The following MUC6 variants were observed in gnomAD, a reference collection of about 807,000 sequenced individuals.
The protein encoded by MUC6 is mucin 6, oligomeric mucus/gel-forming (gene/pseudogene).
MUC6 carries 188 observed loss-of-function variants against 201.5 expected under a neutral mutation model. That is an observed-to-expected ratio of 0.93 (90% CI 0.83 to 1.05). The LOEUF (loss-of-function observed/expected upper bound fraction) is 1.05, where lower values mean the gene tolerates loss of function less well. Ranked by LOEUF, MUC6 falls within the 50% of genes least tolerant of loss-of-function variation. The pLI, the probability that MUC6 is intolerant of heterozygous loss-of-function variation, is 0.00. For missense variants in MUC6, 2,706 were observed against 3,256.9 expected (o/e 0.83, Z 4.12); for synonymous variants, 1,228 against 1,389.4 (o/e 0.88, Z 2.58).
rs1166005767 is a variant in MUC6 at position 1,029,632 on chromosome 11, TC to T, written c.1016-18del. 1 of 1,556,868 alleles carries T rather than the reference TC, an allele frequency of 6.4e-7. No homozygotes were observed. The highest frequency in any genetic ancestry group is 1.4e-5 in the African/African-American group (1 of 73,548). On this transcript the variant is annotated intron_variant, in intron 8 of 32. Transcript: ENST00000421673. ...GGACCGTACCTGCAGGAGAGGGTCT[TC>T]TTGGGGCTTGGGTGGGACTGACTGC...
chr11:1,013,810 G>A, intron 32 of MUC6, 89 bp downstream of exon 32: 1 of 1,442,706 alleles, frequency 6.9e-7, no homozygotes, highest in Non-Finnish European at 9.4e-7. Context: ...TGGGGCAGCA[G>A]GCGCCTGGGT....
chr11:1,030,572 C>T lies in MUC6; in HGVS notation c.892+1G>A, dbSNP rs745746857. 1.3e-6 allele frequency: 2 copies of T among 1,499,726 alleles called. No homozygotes were observed. Among genetic ancestry groups the T allele is most frequent in the South Asian group, 2.6e-5 (2 of 76,702 alleles). The allele number at this position is 1,499,726 out of a possible 1,614,324, so 92.9% of individuals were successfully genotyped here. A position where few individuals can be genotyped will look rare whatever the true frequency, so the allele number is the denominator to read the frequency against. On this transcript the variant is annotated splice_donor_variant, in intron 7 of 32. Transcript: ENST00000421673. LOFTEE classifies it high-confidence loss of function. ...CCTCCCTCTCCCTTCCCTGGACTCA[C>T]AGCACAGGCCGGGGCTCCGCCAGCG...
intron 24 of MUC6, 59 bp downstream of exon 24, chr11:1,024,785 C>T (rs1208211278): frequency 1.9e-6 from 3 of 1,566,358 alleles, no homozygotes; most frequent in African/African-American, 1.3e-5. Flanking sequence ...GCCCCTTCCC[C>T]CGCCCCCACC....
chr11:1,018,561 TC>T lies in MUC6; in HGVS notation c.4239del (p.Ser1414ValfsTer42). The T allele has an allele frequency of 6.2e-7, 1 of 1,611,038 alleles. No individual in the cohort carries two copies. ...ACAGGACCTGTGGAAGGGACGGGAC[TC>T]CCCGCCGTAGGCGGGGAGTGTGTGG... is the stretch of plus-strand genomic sequence containing the variant. Reference protein sequence around the residue: ...PHTTHSPPTAGSPVPSTGPVT... With the variant: ...PHTTHSPPTAXSPVPSTGPVT... On this transcript the variant is annotated frameshift_variant, in exon 31 of 33. Transcript: ENST00000421673. LOFTEE classifies it high-confidence loss of function.
intron 24 of MUC6, 98 bp from the exon 25 acceptor site, chr11:1,024,201 G>A (rs1406823159): frequency 1.4e-6 from 2 of 1,397,004 alleles, no homozygotes; most frequent in East Asian, 2.5e-5. Context: ...AGGCCGGAGT[G>A]TGGCGGTAAG....
At position 1,028,284 on chromosome 11, in the gene MUC6, C is replaced by A. The variant is rs201251403; in HGVS notation, c.1695G>T (p.Gly565=). The change falls in exon 14 of 33, where the codon GGG becomes GGT. Residue 565 remains glycine, a synonymous_variant. Transcript: ENST00000421673. ...CACGCTCCAGAGCGGCCGGACAGTT[C>A]CCCGCCCGCCAGGAGTCCACAAACA... ...ASLFVDSWRA[G]NCPAALERET... The A allele has an allele frequency of 1.2e-6, 2 of 1,605,738 alleles. No individual in the cohort carries two copies. Among genetic ancestry groups the A allele is most frequent in the African/African-American group, 2.7e-5 (2 of 74,722 alleles).
chr11:1,016,162 G>T lies in MUC6; in HGVS notation c.6639C>A (p.Pro2213=). Residue 2213 remains proline, a synonymous_variant, in exon 31 of 33, where the codon CCC becomes CCA. Coordinates refer to ENST00000421673, the MANE Select transcript of MUC6 (RefSeq NM_005961.3). ...GGGTGAAAGGAGAGGAGATAGTGTG[G>T]GGGAGAGTGGCCCTAATGGTAGTAG... ...AASTTIRATL[P]HTISSPFTLS... 1.2e-6 allele frequency: 2 copies of T among 1,613,612 alleles called. No homozygotes were observed. The highest frequency in any genetic ancestry group is 1.7e-6 in the Non-Finnish European group (2 of 1,179,794).
In MUC6 at chr11:1,025,021, G is replaced by A. The variant is rs1160351808; in HGVS notation, c.3048C>T (p.Arg1016=). The A allele has an allele frequency of 6.2e-7, 1 of 1,613,034 alleles. No individual in the cohort carries two copies. The change falls in exon 24 of 33, where the codon CGC becomes CGT. Residue 1016 remains arginine, a synonymous_variant. Coordinates refer to ENST00000421673, the MANE Select transcript of MUC6 (RefSeq NM_005961.3). ...GCTCGCTGGATGCCACGTACCTGCT[G>A]CGCGTCTCGAAGTCGTCCTTCATGT... ...NGNMKDDFET[R]SRYVASSELE... is the part of the protein sequence containing the mutation.
intron 26 of MUC6, among the ~76,000 whole-genome samples, chr11:1,021,748 G>C (rs965403578): frequency 6.6e-6 from 1 of 151,882 alleles, no homozygotes; most frequent in Non-Finnish European, 1.5e-5. Flanking sequence ...CTGGGGCTTC[G>C]GTGCCATCTT....
chr11:1,013,754 G>A (rs765474360), intron 32 of MUC6, 121 bp from the exon 33 acceptor site: 6 of 1,399,338 alleles, frequency 4.3e-6, no homozygotes, highest in Middle Eastern at 2.0e-4. Flanking sequence ...GGCTCACAGG[G>A]GCCAGGGCGG....
Position 1,031,916 on chromosome 11 carries a change from G to A in MUC6, c.253C>T (p.Gln85Ter). The part of the protein sequence containing the change: ...CKDAFPTFSV[Q>*]LRRGPDGSIS... ...CTCCCGTCTGGGCCTCGCCGCAGCT[G>A]GACACTGAAGGTGGGGAAGGCGTCC... The change falls in exon 3 of 33, where the codon CAG becomes TAG. Residue 85 changes from glutamine (Q) to a stop codon, truncating the protein, a stop_gained. Coordinates refer to ENST00000421673, the MANE Select transcript of MUC6 (RefSeq NM_005961.3). LOFTEE classifies it high-confidence loss of function. The A allele has an allele frequency of 6.2e-7, 1 of 1,613,396 alleles. No individual in the cohort carries two copies. Among genetic ancestry groups the A allele is most frequent in the Non-Finnish European group, 8.5e-7 (1 of 1,179,904 alleles).
intron 26 of MUC6, among the ~76,000 whole-genome samples, chr11:1,021,489 G>A (rs1383451252): frequency 6.6e-6 from 1 of 151,108 alleles, no homozygotes; most frequent in Admixed American, 6.6e-5. Flanking sequence ...TCCTGCCCCA[G>A]CCTCCCAGGT....
chr11:1,012,923 T>C lies in MUC6; in HGVS notation c.*533A>G, dbSNP rs985469591. The C allele has an allele frequency of 6.4e-6, 1 of 155,708 alleles. No individual in the cohort carries two copies. The highest frequency in any genetic ancestry group is 6.4e-5 in the Admixed American group (1 of 15,536). 9.6% of individuals were successfully genotyped at this position (155,708 alleles called of 1,614,324 possible). A position where few individuals can be genotyped will look rare whatever the true frequency, so the allele number is the denominator to read the frequency against. ...GGGTGTGGTGCTGGTGGGGGCCTTC[T>C]GCCTGGCTGGGAGCGGGGGCGGCTG... On this transcript the variant is annotated 3_prime_UTR_variant, in exon 33 of 33. Coordinates refer to ENST00000421673, the MANE Select transcript of MUC6 (RefSeq NM_005961.3).
At position 1,015,956 on chromosome 11, in the gene MUC6, G is replaced by A. The variant is rs773530425; in HGVS notation, c.6845C>T (p.Thr2282Ile). The A allele has an allele frequency of 6.3e-6, 10 of 1,593,272 alleles. No individual in the cohort carries two copies. Among genetic ancestry groups the A allele is most frequent in the African/African-American group, 2.7e-5 (2 of 74,678 alleles). The change falls in exon 31 of 33, where the codon ACA (threonine) becomes ATA (isoleucine). Residue 2282 changes from threonine to isoleucine, a missense_variant. Physicochemically the swap from Thr to Ile is moderately conservative, Grantham distance 89 (BLOSUM62 -1). Coordinates refer to ENST00000421673, the MANE Select transcript of MUC6 (RefSeq NM_005961.3). Reference sequence around the variant, plus strand: ...CGAGGTGAGTGACACAAAGCCTGATGTGGGAACTCGGGTGGTGAGAGAAGT... The same window carrying A: ...CGAGGTGAGTGACACAAAGCCTGATATGGGAACTCGGGTGGTGAGAGAAGT... ...RSTSLTTRVP[T>I]SGFVSLTSGV...
chr11:1,014,618 G>A (rs1030638271), intron 31 of MUC6, among the ~76,000 whole-genome samples: 4 of 152,186 alleles, frequency 2.6e-5, no homozygotes, highest in African/African-American at 9.7e-5. Context: ...CAGTGGCAGC[G>A]TTGGCATTAG....
chr11:1,026,532 C>T (rs1461988857), intron 19 of MUC6, 54 bp from the exon 20 acceptor site: 5 of 1,497,250 alleles, frequency 3.3e-6, no homozygotes, highest in Non-Finnish European at 4.4e-6. Flanking sequence ...CCAGCTGCTG[C>T]CCAGCCCTGG....
In MUC6 at chr11:1,023,546, G is replaced by A; in HGVS notation, c.3489C>T (p.Pro1163=). The A allele has an allele frequency of 6.2e-7, 1 of 1,605,126 alleles. No homozygotes were observed. Among genetic ancestry groups the A allele is most frequent in the Non-Finnish European group, 8.5e-7 (1 of 1,176,374 alleles). The change falls in exon 26 of 33, where the codon CCC becomes CCT. Residue 1163 remains proline (P), a synonymous_variant. Transcript: ENST00000421673. ...CTWHYQPCLC[P]SQPQSVPGSN... ...TGCCTGGGACGCTCTGTGGCTGGCT[G>A]GGGCAGAGGCAGGGCTGGTAGTGCC...
intron 26 of MUC6, 89 bp from the exon 27 acceptor site, chr11:1,021,366 TG>T: frequency 1.5e-6 from 1 of 653,636 alleles, no homozygotes; most frequent in Admixed American, 4.1e-5. Flanking sequence ...CCTTCCTCTC[TG>T]CTTTTTTTTT....
chr11:1,024,781 T>C, intron 24 of MUC6, 63 bp downstream of exon 24: 1 of 1,558,768 alleles, frequency 6.4e-7, no homozygotes, highest in Admixed American at 1.8e-5. Context: ...CCCCGCCCCT[T>C]CCCCCGCCCC....
Sources: gnomAD v4.1 joint callset for allele counts (sites outside exome capture counted in the v4.1 genomes callset) on GRCh38, gnomAD v4.1.1 for gene constraint, MANE v1.5 for transcripts, NCBI Gene and HGNC (gene_info 2026-07-23, HGNC 2026-07-21) for gene names.